Variants in ADCY1 observed in about 807,000 individuals in gnomAD.
ADCY1 encodes the protein adenylate cyclase 1.
A neutral mutation model predicts 105.4 loss-of-function variants in ADCY1; 28 were observed. The ratio of observed to expected loss-of-function variants is 0.27; its 90% CI spans 0.20 to 0.36. ADCY1 has a LOEUF of 0.36. Among genes scored for constraint, ADCY1 ranks in the 10% least tolerant of loss-of-function variants. ADCY1 has a pLI of 1.00. For missense variants in ADCY1, 977 were observed against 1,434.2 expected (o/e 0.68, Z 5.15); for synonymous variants, 655 against 623.8 (o/e 1.05, Z -0.75).
intron 4 of ADCY1, among the ~76,000 whole-genome samples, chr7:45,629,277 T>C (rs373374209): frequency 2.0e-5 from 3 of 152,262 alleles, no homozygotes; most frequent in East Asian, 1.9e-4. Flanking sequence ...ACTTGTTGCA[T>C]GTGTCAGTAC....
intron 8 of ADCY1, among the ~76,000 whole-genome samples, chr7:45,672,937 A>G (rs1028834500): frequency 1.3e-5 from 2 of 152,178 alleles, no homozygotes; most frequent in Non-Finnish European, 2.9e-5. Flanking sequence ...GATGTTAGCT[A>G]TAGGCATTTT....
chr7:45,603,485 T>C (rs1793294983), intron 2 of ADCY1, among the ~76,000 whole-genome samples: 1 of 152,210 alleles, frequency 6.6e-6, no homozygotes, highest in Non-Finnish European at 1.5e-5. Context: ...TAAATTAAAC[T>C]GTTTTTATTT....
chr7:45,697,588 C>T (rs955906424), intron 14 of ADCY1, among the ~76,000 whole-genome samples: 1 of 152,114 alleles, frequency 6.6e-6, no homozygotes, highest in Admixed American at 6.6e-5. Flanking sequence ...TGGGGTTTCT[C>T]CATGTTGGTC....
Position 45,590,972 on chromosome 7 carries a change from T to C in ADCY1, c.640-1787T>C, listed in dbSNP as rs139326278. 2.5e-3 allele frequency among the ~76,000 whole-genome samples: 380 copies of C among 152,248 alleles called. 2 individuals carry two copies. Among genetic ancestry groups the C allele is most frequent in the South Asian group, 8.7e-3 (42 of 4,816 alleles). On this transcript the variant is annotated intron_variant, in intron 1 of 19. Transcript: ENST00000297323. ...TGCTGGGCGAGGGTCAGGTCCCCCA[T>C]GGAGGTGTCAGGCAGAGGATGGCTG...
chr7:45,648,843 CAT>C, intron 5 of ADCY1, 46 bp downstream of exon 5: 1 of 1,601,208 alleles, frequency 6.2e-7, no homozygotes, highest in Non-Finnish European at 8.5e-7. Flanking sequence ...GGCATCTACA[CAT>C]TGAAATCCTA....
rs774400678 is a variant in ADCY1, at chr7:45,677,978, T to A, written c.1715T>A (p.Leu572His). The change falls in exon 9 of 20, where the codon CTC becomes CAC. Residue 572 changes from leucine (L) to histidine (H), a missense_variant. Physicochemically the swap from Leu to His is moderately conservative, Grantham distance 99 (BLOSUM62 -3). Around this residue, in one of 7 missense-constraint regions of ADCY1, gnomAD observed 275 missense variants for 362.1 expected, o/e 0.76. Transcript: ENST00000297323. ...CGCGTCAACAGGTACATCAGCCGCC[T>A]CTTAGAAGCCCGCCAGACAGAGCTG... ...GTRVNRYISR[L>H]LEARQTELEM... 4.3e-6 allele frequency: 7 copies of A among 1,614,054 alleles called. No individual in the cohort carries two copies. The highest frequency in any genetic ancestry group is 4.2e-6 in the Non-Finnish European group (5 of 1,180,034).
intron 1 of ADCY1, among the ~76,000 whole-genome samples, chr7:45,587,800 C>T (rs537240706): frequency 6.6e-6 from 1 of 152,274 alleles, no homozygotes; most frequent in East Asian, 1.9e-4. Flanking sequence ...CCTCAGAGGA[C>T]ATGCCCTCAC....
At chr7:45,615,593 C>A (rs1793716366) in intron 3 of ADCY1, among the ~76,000 whole-genome samples, 1 of 152,032 alleles carries the variant, frequency 6.6e-6, no homozygotes, top group Admixed American at 6.6e-5. Context: ...CAGAGAAAGA[C>A]CCTATCTCAA....
chr7:45,668,702 A>G (rs1370676890), intron 8 of ADCY1, among the ~76,000 whole-genome samples: 1 of 152,218 alleles, frequency 6.6e-6, no homozygotes, highest in Admixed American at 6.5e-5. Context: ...TTCAGAAGGA[A>G]TGGTAGCAGC....
chr7:45,678,355 T>C (rs1413674391), intron 10 of ADCY1, 92 bp downstream of exon 10: 7 of 1,238,808 alleles, frequency 5.7e-6, no homozygotes, highest in Admixed American at 5.1e-5. Context: ...TGGTTGTGTT[T>C]CTGTTGTATG....
intron 4 of ADCY1, among the ~76,000 whole-genome samples, chr7:45,648,110 G>A (rs1794712342): frequency 6.6e-6 from 1 of 152,190 alleles, no homozygotes; most frequent in Non-Finnish European, 1.5e-5. Context: ...CTGTACAGAC[G>A]AGCAGATGGA....
At chr7:45,610,697 A>AG (rs1793513135) in intron 3 of ADCY1, among the ~76,000 whole-genome samples, 200 bp downstream of exon 3, 1 of 5,862 alleles carries the variant, frequency 1.7e-4, no homozygotes, top group Non-Finnish European at 3.8e-4. Flanking sequence ...AGGAGGTGAT[A>AG]GTGGAGGTGA....
chr7:45,588,786 G>A (rs929952324), intron 1 of ADCY1, among the ~76,000 whole-genome samples: 2 of 152,098 alleles, frequency 1.3e-5, no homozygotes, highest in African/African-American at 4.8e-5. Flanking sequence ...TCTTCAGGGT[G>A]TTTCCAGGTG....
intron 4 of ADCY1, among the ~76,000 whole-genome samples, chr7:45,636,631 C>G (rs2116003943): frequency 6.6e-6 from 1 of 152,334 alleles, no homozygotes; most frequent in South Asian, 2.1e-4. Context: ...ACCTCCGCCT[C>G]CCGGGTTCAA....
intron 4 of ADCY1, among the ~76,000 whole-genome samples, chr7:45,626,194 C>T (rs565739045): frequency 4.6e-5 from 7 of 152,324 alleles, no homozygotes; most frequent in South Asian, 4.1e-4. Flanking sequence ...GCCACAAATA[C>T]GTAAACAAAT....
intron 14 of ADCY1, among the ~76,000 whole-genome samples, chr7:45,702,120 C>T (rs913983927): frequency 6.6e-6 from 1 of 152,216 alleles, no homozygotes; most frequent in Non-Finnish European, 1.5e-5. Context: ...TTAGAAATCT[C>T]CACTTCTCTG....
At chr7:45,643,961 T>C (rs1376121332) in intron 4 of ADCY1, among the ~76,000 whole-genome samples, 2 of 152,346 alleles carry the variant, frequency 1.3e-5, no homozygotes, top group East Asian at 3.9e-4. Context: ...AGAGTTCTTG[T>C]GTTTCAGCTC....
intron 7 of ADCY1, 127 bp downstream of exon 7, chr7:45,660,310 G>C (rs1795060456): frequency 7.5e-7 from 1 of 1,335,666 alleles, no homozygotes; most frequent in African/African-American, 1.5e-5. Flanking sequence ...TTGCTAAGAT[G>C]GGGAGAGTTG....
In ADCY1 at chr7:45,708,711, T is replaced by C. The variant is rs1785169110; in HGVS notation, c.2932+247T>C. Among the ~76,000 whole-genome samples, 1 of 152,254 alleles carries C rather than the reference T, an allele frequency of 6.6e-6. No individual in the cohort carries two copies. Among genetic ancestry groups the C allele is most frequent in the Admixed American group, 6.5e-5 (1 of 15,290 alleles). ...TCAGGAAACACATTAGAAATCTTGA[T>C]TGTCCTGGAGACGTTCAGATGCTCC... On this transcript the variant is annotated intron_variant, in intron 18 of 19. Coordinates refer to ENST00000297323, the MANE Select transcript of ADCY1 (RefSeq NM_021116.4). The surrounding 1 kb of genome is among the most constrained non-coding windows in gnomAD (Gnocchi z 4.7).
Sources: gnomAD v4.1 joint callset for allele counts (sites outside exome capture counted in the v4.1 genomes callset) on GRCh38, gnomAD v4.1.1 for gene constraint, gnomAD v4.1.1 regional missense constraint, Gnocchi (gnomAD v3.1) non-coding constraint, MANE v1.5 for transcripts, NCBI Gene and HGNC (gene_info 2026-07-23, HGNC 2026-07-21) for gene names.